Variants in CDK5RAP2 observed in about 807,000 individuals in gnomAD.
CDK5RAP2 encodes CDK5 regulatory subunit-associated protein 2.
In CDK5RAP2, 147 loss-of-function variants were observed where a neutral mutation model predicts 232.9. The ratio of observed to expected loss-of-function variants is 0.63; its 90% CI spans 0.55 to 0.72. The LOEUF is 0.72. CDK5RAP2 is among the 30% of genes least tolerant of loss of function. The pLI is 0.00. For missense variants in CDK5RAP2, 2,195 were observed against 2,231.5 expected, an observed-to-expected ratio of 0.98 and a Z score of 0.33; for synonymous variants, 833 against 833.7, an observed-to-expected ratio of 1.00 and a Z score of 0.01.
chr9:120,577,323 T>C (rs1298593970), intron 1 of CDK5RAP2, among the ~76,000 whole-genome samples: 1 of 146,722 alleles, frequency 6.8e-6, no homozygotes, highest in Non-Finnish European at 1.5e-5. Context: ...ATCACTCCAC[T>C]GCACTCCAGC....
At chr9:120,395,099 C>T (rs996095043) in intron 35 of CDK5RAP2, among the ~76,000 whole-genome samples, 5 of 152,132 alleles carry the variant, frequency 3.3e-5, no homozygotes, top group Non-Finnish European at 5.9e-5. Flanking sequence ...AATTTAGCAA[C>T]TATTAAAAAT....
chr9:120,512,972 T>C (rs907526932), intron 12 of CDK5RAP2, among the ~76,000 whole-genome samples: 1 of 152,206 alleles, frequency 6.6e-6, no homozygotes, highest in Non-Finnish European at 1.5e-5. Flanking sequence ...TGAATGTGAA[T>C]TGAGAACAAG....
chr9:120,518,210 T>TGTGTGACAGAGA (rs1554770753), intron 12 of CDK5RAP2, among the ~76,000 whole-genome samples: 1 of 43,934 alleles, frequency 2.3e-5, no homozygotes. Flanking sequence ...TGTGTGTGTG[T>TGTGTGACAGAGA]GAGAGAGAGA....
At chr9:120,475,805 T>C (rs2037975296) in intron 15 of CDK5RAP2, among the ~76,000 whole-genome samples, 1 of 152,150 alleles carries the variant, frequency 6.6e-6, no homozygotes, top group African/African-American at 2.4e-5. Context: ...GCACAGAACA[T>C]TTCCCAAATG....
rs868632095 is a variant in CDK5RAP2 at position 120,453,622 on chromosome 9, A to G, written c.2627T>C (p.Val876Ala). 6.2e-7 allele frequency: 1 copy of G among 1,614,186 alleles called. No homozygotes were observed. Among genetic ancestry groups the G allele is most frequent in the African/African-American group, 1.3e-5 (1 of 75,032 alleles). The change falls in exon 21 of 38, where the codon GTG (valine) becomes GCG (alanine). Residue 876 changes from valine to alanine, a missense_variant. Physicochemically the swap from Val to Ala is moderately conservative, Grantham distance 64. Coordinates refer to ENST00000349780, the MANE Select transcript of CDK5RAP2 (RefSeq NM_018249.6). ...VGLKDASVQT[V>A]ATEGDLLRFK... ...TCTCAGCAGGTCGCCCTCCGTGGCC[A>G]CAGTCTGCACTGAGGCATCTTTCAG...
intron 3 of CDK5RAP2, among the ~76,000 whole-genome samples, chr9:120,558,150 A>G (rs2042309575): frequency 6.8e-6 from 1 of 147,184 alleles, no homozygotes; most frequent in African/African-American, 2.5e-5. Flanking sequence ...CGAGGCAGGC[A>G]GATCATGAGG....
intron 28 of CDK5RAP2, among the ~76,000 whole-genome samples, chr9:120,414,182 T>C (rs529429994): frequency 6.6e-6 from 1 of 152,348 alleles, no homozygotes; most frequent in African/African-American, 2.4e-5. Flanking sequence ...GCCCTACTCA[T>C]AACATTGCCT....
chr9:120,555,278 C>T (rs941878242), intron 3 of CDK5RAP2, among the ~76,000 whole-genome samples: 9 of 152,180 alleles, frequency 5.9e-5, no homozygotes, highest in East Asian at 1.9e-4. Flanking sequence ...ATTACAGGCA[C>T]GCACTACCAC....
chr9:120,485,349 C>T (rs2131604539), intron 14 of CDK5RAP2, among the ~76,000 whole-genome samples: 1 of 139,374 alleles, frequency 7.2e-6, no homozygotes, highest in Admixed American at 7.6e-5. Context: ...GGCTGGAGTG[C>T]AGTGGCACGA....
chr9:120,408,706 C>T (rs1032798892), intron 30 of CDK5RAP2, among the ~76,000 whole-genome samples: 1 of 152,242 alleles, frequency 6.6e-6, no homozygotes, highest in African/African-American at 2.4e-5. Context: ...ACTGACTCTG[C>T]AGCCCGATGT....
At chr9:120,475,056 C>T (rs538437634) in intron 15 of CDK5RAP2, among the ~76,000 whole-genome samples, 1 of 152,298 alleles carries the variant, frequency 6.6e-6, no homozygotes, top group South Asian at 2.1e-4. Context: ...TTACTACATG[C>T]CAGGAAGTAT....
intron 12 of CDK5RAP2, among the ~76,000 whole-genome samples, chr9:120,504,505 C>T (rs1490468103): frequency 2.0e-5 from 3 of 152,312 alleles, no homozygotes; most frequent in South Asian, 4.1e-4. Flanking sequence ...CTCCCTACCC[C>T]GCATCCCACT....
At chr9:120,479,457 G>A (rs1248636954) in intron 14 of CDK5RAP2, among the ~76,000 whole-genome samples, 1 of 152,132 alleles carries the variant, frequency 6.6e-6, no homozygotes, top group African/African-American at 2.4e-5. Context: ...AGACAGTCAA[G>A]ACACCTGGCA....
At chr9:120,458,393 G>A (rs891310828) in intron 20 of CDK5RAP2, 57 bp downstream of exon 20, 1 of 1,542,252 alleles carries the variant, frequency 6.5e-7, no homozygotes, top group Non-Finnish European at 9.0e-7. Flanking sequence ...TTAGCAAAAT[G>A]AGTTTGTTCT....
At chr9:120,426,025 A>G (rs1269616209) in intron 25 of CDK5RAP2, among the ~76,000 whole-genome samples, 3 of 152,204 alleles carry the variant, frequency 2.0e-5, no homozygotes, top group Admixed American at 6.5e-5. Flanking sequence ...CAATGGAGCC[A>G]TATCTTTGAT....
chr9:120,472,001 T>C (rs2037735098), intron 15 of CDK5RAP2, 123 bp from the exon 16 acceptor site: 2 of 1,260,644 alleles, frequency 1.6e-6, no homozygotes, highest in African/African-American at 1.5e-5. Context: ...TAAAAGTATA[T>C]ACAGGTTTAC....
intron 6 of CDK5RAP2, among the ~76,000 whole-genome samples, chr9:120,538,321 T>A (rs761832557): frequency 1.3e-5 from 2 of 152,132 alleles, no homozygotes; most frequent in Non-Finnish European, 2.9e-5. Flanking sequence ...GAGTTTCAGG[T>A]AGAGAAACTG....
rs556793378 is a variant in CDK5RAP2 at position 120,432,306 on chromosome 9, C to T, written c.3955+4989G>A. Among the ~76,000 whole-genome samples, 4 of 152,256 alleles carry T rather than the reference C, an allele frequency of 2.6e-5. No individual in the cohort carries two copies. In the East Asian group the frequency reaches 7.7e-4, roughly 29 times the overall value. ...CAGTCCCATTTCCATAAAAAATACA[C>T]ATATGAATAAAAAAGGTCTGGGCAT... On this transcript the variant is annotated intron_variant, in intron 25 of 37. Transcript: ENST00000349780.
At chr9:120,488,157 C>T (rs1477997332) in intron 13 of CDK5RAP2, among the ~76,000 whole-genome samples, 1 of 152,148 alleles carries the variant, frequency 6.6e-6, no homozygotes, top group Non-Finnish European at 1.5e-5. Context: ...GGATTCTGTC[C>T]ACTCTTGTCA....
Sources: gnomAD v4.1 joint callset for allele counts (sites outside exome capture counted in the v4.1 genomes callset) on GRCh38, gnomAD v4.1.1 for gene constraint, MANE v1.5 for transcripts, NCBI Gene and HGNC (gene_info 2026-07-23, HGNC 2026-07-21) for gene names.